CTNNA3: variants seen among roughly 807,000 people sequenced by gnomAD.
The protein encoded by CTNNA3 is catenin alpha 3.
CTNNA3 carries 76 observed loss-of-function variants against 95.7 expected under a neutral mutation model. The observed-to-expected ratio is 0.79, with a 90% CI of 0.66 to 0.96. The LOEUF (loss-of-function observed/expected upper bound fraction) is 0.96, where lower values mean the gene tolerates loss of function less well. Ranked by LOEUF, CTNNA3 falls within the 40% of genes least tolerant of loss-of-function variation. The pLI is 0.00. For synonymous variants in CTNNA3, 431 were observed against 374.4 expected, an observed-to-expected ratio of 1.15 and a Z score of -1.74; for missense variants, 1,191 against 1,089.8, an observed-to-expected ratio of 1.09 and a Z score of -1.31.
chr10:66,975,617 T>C (rs1311561430), intron 7 of CTNNA3, among the ~76,000 whole-genome samples: 2 of 152,176 alleles, frequency 1.3e-5, no homozygotes, highest in African/African-American at 4.8e-5. Flanking sequence ...TACAGAGCAC[T>C]TGGCTTAGTG....
intron 13 of CTNNA3, among the ~76,000 whole-genome samples, chr10:66,267,864 A>G (rs1479625568): frequency 6.6e-6 from 1 of 152,150 alleles, no homozygotes; most frequent in African/African-American, 2.4e-5. Flanking sequence ...GGCAGCAGCT[A>G]TATTTATAAA....
intron 6 of CTNNA3, among the ~76,000 whole-genome samples, chr10:67,191,488 T>C (rs1477670116): frequency 6.6e-6 from 1 of 151,806 alleles, no homozygotes; most frequent in African/African-American, 2.4e-5. Flanking sequence ...AAGAAAACAA[T>C]GCAATGTATA....
chr10:66,583,570 T>C (rs1277898843), intron 10 of CTNNA3, among the ~76,000 whole-genome samples: 1 of 151,858 alleles, frequency 6.6e-6, no homozygotes, highest in East Asian at 1.9e-4. Flanking sequence ...GGATCTTCTC[T>C]CTTCTTGTCT....
At position 66,696,866 on chromosome 10, in the gene CTNNA3, G is replaced by T. The variant is rs1352468908; in HGVS notation, c.1281+69398C>A. On this transcript the variant is annotated intron_variant, in intron 9 of 17. Coordinates refer to ENST00000433211, the MANE Select transcript of CTNNA3 (RefSeq NM_013266.4). ...AGGCAAGAGGATCACATGATCCCAG[G>T]AGGTTGAGGCGGCAGTGAGCTCTAA... 2.6e-5 allele frequency among the ~76,000 whole-genome samples: 4 copies of T among 152,236 alleles called. No homozygotes were observed. The South Asian group carries it at 6.2e-4, about 24-fold the overall frequency.
At chr10:67,346,153 CTTTT>C (rs1469213008) in intron 5 of CTNNA3, among the ~76,000 whole-genome samples, 25 of 152,062 alleles carry the variant, frequency 1.6e-4, no homozygotes. Context: ...CACTTTTTAA[CTTTT>C]TTGTTTCTAT....
chr10:66,131,070 A>C (rs2083073285), intron 13 of CTNNA3, among the ~76,000 whole-genome samples: 1 of 150,674 alleles, frequency 6.6e-6, no homozygotes, highest in African/African-American at 2.4e-5. Flanking sequence ...GCCTACCAAA[A>C]AAAAAAAAAA....
chr10:67,465,370 G>A (rs1374093932), intron 5 of CTNNA3, among the ~76,000 whole-genome samples: 1 of 151,874 alleles, frequency 6.6e-6, no homozygotes, highest in African/African-American at 2.4e-5. Context: ...CCCTCCCCAA[G>A]TATTTCACAA....
chr10:67,121,710 A>C (rs1323103217), intron 7 of CTNNA3, among the ~76,000 whole-genome samples: 1 of 151,894 alleles, frequency 6.6e-6, no homozygotes, highest in Non-Finnish European at 1.5e-5. Flanking sequence ...TGAAAAAATA[A>C]ACAGGCAAGT....
intron 7 of CTNNA3, among the ~76,000 whole-genome samples, chr10:67,074,163 G>T (rs1430810663): frequency 1.3e-5 from 2 of 149,172 alleles, no homozygotes; most frequent in Admixed American, 1.4e-4. Context: ...CTCCCAAGTA[G>T]CTGGGACTAT....
At chr10:66,593,668 CT>C (rs1015264909) in intron 10 of CTNNA3, among the ~76,000 whole-genome samples, 2 of 152,086 alleles carry the variant, frequency 1.3e-5, no homozygotes, top group African/African-American at 4.8e-5. Flanking sequence ...GTTTTTATTA[CT>C]TCTGTTTGTG....
In CTNNA3 at chr10:67,089,717, ATGTGTG is replaced by A. The variant is rs71006125; in HGVS notation, c.1047+90594_1047+90599del. On this transcript the variant is annotated intron_variant, in intron 7 of 17. Transcript: ENST00000433211. ...AGAGTATACATATGTGTATATACAT[ATGTGTG>A]TGTGTGTGTGTGTGTGTGTGTGTGT... Among the ~76,000 whole-genome samples the A allele has an allele frequency of 5.3e-3, 761 of 144,730 alleles. 5 individuals carry two copies. The highest frequency in any genetic ancestry group is 0.012 in the African/African-American group (475 of 39,366). 94.9% of individuals were successfully genotyped at this position (144,730 alleles called of 152,430 possible).
chr10:67,401,393 AC>A (rs1264466557), intron 5 of CTNNA3, among the ~76,000 whole-genome samples: 5 of 152,198 alleles, frequency 3.3e-5, no homozygotes, highest in African/African-American at 1.2e-4. Flanking sequence ...CATAATTTGA[AC>A]AAATCTTCAG....
intron 5 of CTNNA3, among the ~76,000 whole-genome samples, chr10:67,456,805 C>G (rs1198438420): frequency 1.3e-5 from 2 of 152,208 alleles, no homozygotes; most frequent in Middle Eastern, 3.4e-3. Flanking sequence ...TAAATGCAGT[C>G]TAGTTCAGAA....
intron 9 of CTNNA3, among the ~76,000 whole-genome samples, chr10:66,717,104 G>T (rs1183834619): frequency 6.6e-6 from 1 of 150,954 alleles, no homozygotes; most frequent in Non-Finnish European, 1.5e-5. Context: ...GACTAACATA[G>T]AAATCCTGCC....
At position 67,232,320 on chromosome 10, in the gene CTNNA3, A is replaced by C. The variant is rs1208823978; in HGVS notation, c.580-12450T>G. Among the ~76,000 whole-genome samples the C allele has an allele frequency of 3.9e-5, 6 of 152,338 alleles. No individual in the cohort carries two copies. In the East Asian group the frequency reaches 1.2e-3, roughly 29 times the overall value. ...AGACTAACAGCGGATCTCTCAGCAG[A>C]AACTCTACAAGCCAGAAGAGAGTGG... On this transcript the variant is annotated intron_variant, in intron 5 of 17. Coordinates refer to ENST00000433211, the MANE Select transcript of CTNNA3 (RefSeq NM_013266.4).
intron 1 of CTNNA3, among the ~76,000 whole-genome samples, chr10:67,728,614 C>G (rs1589583368): frequency 6.6e-6 from 1 of 151,654 alleles, no homozygotes; most frequent in African/African-American, 2.4e-5. Context: ...GTGAGAACCA[C>G]TGGTCTAAAT....
intron 10 of CTNNA3, among the ~76,000 whole-genome samples, chr10:66,546,136 A>G (rs1345034174): frequency 6.6e-6 from 1 of 151,628 alleles, no homozygotes; most frequent in Non-Finnish European, 1.5e-5. Flanking sequence ...TATGTTTACT[A>G]CTCTTATTTC....
chr10:66,685,769 A>T (rs1322073837), intron 9 of CTNNA3, among the ~76,000 whole-genome samples: 1 of 152,110 alleles, frequency 6.6e-6, no homozygotes, highest in Non-Finnish European at 1.5e-5. Context: ...TCTCTTTACC[A>T]GAATTAAAGT....
chr10:66,979,850 A>G (rs547075894), intron 7 of CTNNA3, among the ~76,000 whole-genome samples: 11 of 152,194 alleles, frequency 7.2e-5, no homozygotes, highest in Admixed American at 1.3e-4. Flanking sequence ...TGGATTTGAA[A>G]CACTAGACTG....
Sources: gnomAD v4.1 joint callset for allele counts (sites outside exome capture counted in the v4.1 genomes callset) on GRCh38, gnomAD v4.1.1 for gene constraint, MANE v1.5 for transcripts, NCBI Gene and HGNC (gene_info 2026-07-23, HGNC 2026-07-21) for gene names.